Variants in PTMS observed in about 807,000 individuals in gnomAD.
PTMS encodes the protein parathymosin.
A neutral mutation model predicts 18.4 loss-of-function variants in PTMS; 5 were observed. The ratio of observed to expected loss-of-function variants is 0.27; its 90% CI spans 0.14 to 0.57. The LOEUF (loss-of-function observed/expected upper bound fraction) is 0.57, where lower values mean the gene tolerates loss of function less well. Among genes scored for constraint, PTMS ranks in the 20% least tolerant of loss-of-function variants. PTMS has a pLI of 0.92. For synonymous variants in PTMS, 53 were observed against 47.7 expected (o/e 1.11, Z -0.46); for missense variants, 93 against 124.6 (o/e 0.75, Z 1.21).
In PTMS at chr12:6,770,188, G is replaced by A; in HGVS notation, c.228G>A (p.Gly76=). The A allele has an allele frequency of 1.9e-6, 3 of 1,614,156 alleles. No individual in the cohort carries two copies. The highest frequency in any genetic ancestry group is 2.2e-5 in the East Asian group (1 of 44,874). The part of the protein sequence containing the change: ...DEEEEEEDDE[G]PALKRAAEEE... ...AAGAAGAAGAAGAGGATGATGAAGG[G>A]CCCGCGCTGAAGAGAGCTGCCGAAG... The change falls in exon 4 of 5, where the codon GGG becomes GGA. Residue 76 remains glycine (G), a synonymous_variant. Coordinates refer to ENST00000309083, the MANE Select transcript of PTMS (RefSeq NM_002824.6). The surrounding 1 kb of genome is among the most constrained non-coding windows in gnomAD (Gnocchi z 7.3).
At position 6,769,692 on chromosome 12, in the gene PTMS, AGAG is replaced by A; in HGVS notation, c.117+21_117+23del. 1 of 1,612,702 alleles carries A rather than the reference AGAG, an allele frequency of 6.2e-7. No individual in the cohort carries two copies. Among genetic ancestry groups the A allele is most frequent in the Non-Finnish European group, 8.5e-7 (1 of 1,179,386 alleles). On this transcript the variant is annotated intron_variant, in intron 2 of 4. Coordinates refer to ENST00000309083, the MANE Select transcript of PTMS (RefSeq NM_002824.6). ...TGGTGGAGGTGTGGAGGGGTGGGGG[AGAG>A]GACCACATCTGCCCTACCATCTTCC...
intron 1 of PTMS, among the ~76,000 whole-genome samples, chr12:6,767,667 CG>C (rs1403134244): frequency 8.2e-6 from 1 of 122,152 alleles, no homozygotes; most frequent in Non-Finnish European, 1.6e-5. Context: ...CGGAGTGAAA[CG>C]GGGGGAGCCA....
chr12:6,767,358 T>TA (rs1048925190), intron 1 of PTMS: 1 of 151,970 alleles, frequency 6.6e-6, no homozygotes, highest in Non-Finnish European at 1.5e-5. Context: ...CTCGAATTCC[T>TA]AAAAATTAGA....
Position 6,770,718 on chromosome 12 carries a change from C to A in PTMS, c.*276C>A. On this transcript the variant is annotated 3_prime_UTR_variant, in exon 5 of 5. Coordinates refer to ENST00000309083, the MANE Select transcript of PTMS (RefSeq NM_002824.6). The surrounding 1 kb of genome is among the most constrained non-coding windows in gnomAD (Gnocchi z 7.3). ...TCTCTCTTTGCTCTCTTTCTCCCTC[C>A]CCTACCAGCCTCATTCTTCCTCCGG... 2 of 545,268 alleles carry A rather than the reference C, an allele frequency of 3.7e-6. No homozygotes were observed. Among genetic ancestry groups the A allele is most frequent in the Non-Finnish European group, 6.6e-6 (2 of 301,730 alleles). The allele number at this position is 545,268 out of a possible 1,614,324, so 33.8% of individuals were successfully genotyped here.
At position 6,768,198 on chromosome 12, in the gene PTMS, C is replaced by T. The variant is rs116963177; in HGVS notation, c.46-1405C>T. ...ACTTTGGTCTCTGGTATTCTCCCTCCCTGCATCAGCCCAGATGGGAAAGTC... is the reference window on the plus strand; with the variant it reads ...ACTTTGGTCTCTGGTATTCTCCCTCTCTGCATCAGCCCAGATGGGAAAGTC... On this transcript the variant is annotated intron_variant, in intron 1 of 4. Coordinates refer to ENST00000309083, the MANE Select transcript of PTMS (RefSeq NM_002824.6). Among the ~76,000 whole-genome samples, 442 of 152,340 alleles carry T rather than the reference C, an allele frequency of 2.9e-3. 1 individual carries two copies. Among genetic ancestry groups the T allele is most frequent in the Non-Finnish European group, 5.6e-3 (383 of 68,026 alleles).
chr12:6,769,132 G>A (rs1328007450), intron 1 of PTMS: 2 of 209,786 alleles, frequency 9.5e-6, no homozygotes, highest in African/African-American at 2.4e-5. Flanking sequence ...AGGGGAAGCT[G>A]GGAGGGATGC....
Position 6,770,649 on chromosome 12 carries a change from A to AC in PTMS, c.*209dup. 1.6e-6 allele frequency: 1 copy of AC among 628,202 alleles called. No homozygotes were observed. Among genetic ancestry groups the AC allele is most frequent in the Non-Finnish European group, 2.8e-6 (1 of 357,436 alleles). 38.9% of individuals were successfully genotyped at this position (628,202 alleles called of 1,614,324 possible). On this transcript the variant is annotated 3_prime_UTR_variant, in exon 5 of 5. Coordinates refer to ENST00000309083, the MANE Select transcript of PTMS (RefSeq NM_002824.6). This position sits in a 1 kb window ranked among gnomAD's most constrained non-coding sequence, Gnocchi z 7.3. ...CACTCTGCCATTGTTCCACCTCCTG[A>AC]CCTGCTCCATCTGAGCTCTCCAGCT...
Position 6,770,826 on chromosome 12 carries a change from A to C in PTMS, c.*384A>C. On this transcript the variant is annotated 3_prime_UTR_variant, in exon 5 of 5. Transcript: ENST00000309083. This position sits in a 1 kb window ranked among gnomAD's most constrained non-coding sequence, Gnocchi z 7.3. Reference sequence around the variant, plus strand: ...CCTGCCTGATCCCTGGATCTCCCTCAGATCCCCTCTTCTCAGACAGCGCCA... The same window carrying C: ...CCTGCCTGATCCCTGGATCTCCCTCCGATCCCCTCTTCTCAGACAGCGCCA... 4.3e-6 allele frequency: 1 copy of C among 232,928 alleles called. No individual in the cohort carries two copies. The highest frequency in any genetic ancestry group is 8.6e-6 in the Non-Finnish European group (1 of 116,940). 14.4% of individuals were successfully genotyped at this position (232,928 alleles called of 1,614,324 possible). A position where few individuals can be genotyped will look rare whatever the true frequency, so the allele number is the denominator to read the frequency against.
In PTMS at chr12:6,770,123, G is replaced by A. The variant is rs748848239; in HGVS notation, c.197-34G>A. ...CACGGGGGCTCTGCCAGAGCTTCCT[G>A]CCCTTCCCCAATGACCCATTTCTGG... On this transcript the variant is annotated intron_variant, in intron 3 of 4. Coordinates refer to ENST00000309083, the MANE Select transcript of PTMS (RefSeq NM_002824.6). This position sits in a 1 kb window ranked among gnomAD's most constrained non-coding sequence, Gnocchi z 7.3. 59 of 1,613,460 alleles carry A rather than the reference G, an allele frequency of 3.7e-5. No individual in the cohort carries two copies. The highest frequency in any genetic ancestry group is 5.0e-5 in the Non-Finnish European group (59 of 1,179,844).
intron 1 of PTMS, among the ~76,000 whole-genome samples, chr12:6,768,603 A>G (rs955393778): frequency 3.3e-5 from 5 of 152,218 alleles, no homozygotes; most frequent in African/African-American, 1.2e-4. Flanking sequence ...ATCAGATCAC[A>G]CAAGGACACC....
intron 1 of PTMS, 101 bp downstream of exon 1, chr12:6,766,851 G>C (rs961981550): frequency 1.1e-5 from 9 of 824,104 alleles, no homozygotes; most frequent in Middle Eastern, 5.7e-4. Flanking sequence ...CGGCCCTTGC[G>C]CCCGGGTCCT....
chr12:6,766,683 G>C lies in PTMS; in HGVS notation c.-23G>C, dbSNP rs1243192249. ...GCCCCGGGACCCCGGCTCCCCGCCA[G>C]CCCCGGCCCCGGCCCCGGCACCATG... is the stretch of plus-strand genomic sequence containing the variant. On this transcript the variant is annotated 5_prime_UTR_variant, in exon 1 of 5. Transcript: ENST00000309083. 6 of 1,118,326 alleles carry C rather than the reference G, an allele frequency of 5.4e-6. No individual in the cohort carries two copies. The highest frequency in any genetic ancestry group is 3.4e-5 in the African/African-American group (2 of 59,122). 69.3% of individuals were successfully genotyped at this position (1,118,326 alleles called of 1,614,324 possible). A position where few individuals can be genotyped will look rare whatever the true frequency, so the allele number is the denominator to read the frequency against.
Position 6,766,695 on chromosome 12 carries a change from G to T in PTMS, c.-11G>T. 1.8e-6 allele frequency: 2 copies of T among 1,127,162 alleles called. No homozygotes were observed. Among genetic ancestry groups the T allele is most frequent in the South Asian group, 2.7e-5 (1 of 36,742 alleles). 69.8% of individuals were successfully genotyped at this position (1,127,162 alleles called of 1,614,324 possible). A position where few individuals can be genotyped will look rare whatever the true frequency, so the allele number is the denominator to read the frequency against. ...CGGCTCCCCGCCAGCCCCGGCCCCG[G>T]CCCCGGCACCATGTCGGAGAAAAGC... On this transcript the variant is annotated 5_prime_UTR_variant, in exon 1 of 5. Transcript: ENST00000309083.
chr12:6,769,981 G>T lies in PTMS; in HGVS notation c.178G>T (p.Asp60Tyr), dbSNP rs746401328. 6.4e-6 allele frequency: 10 copies of T among 1,554,408 alleles called. No homozygotes were observed. In the African/African-American group the frequency reaches 1.4e-4, roughly 21 times the overall value. The part of the protein sequence containing the change: ...EETAEDGEEE[D>Y]EGEEEDEEEE... ...AACTGCCGAGGATGGAGAGGAGGAA[G>T]ATGAAGGGGAAGAAGAAGGTGGGGA... Residue 60 changes from aspartate (D) to tyrosine (Y), a missense_variant, in exon 3 of 5, where the codon GAT becomes TAT. Asp to Tyr is a radical substitution (Grantham distance 160). Transcript: ENST00000309083.
chr12:6,770,054 G>T lies in PTMS; in HGVS notation c.196+55G>T. The T allele has an allele frequency of 6.3e-7, 1 of 1,584,558 alleles. No homozygotes were observed. The highest frequency in any genetic ancestry group is 1.1e-5 in the South Asian group (1 of 87,596). On this transcript the variant is annotated intron_variant, in intron 3 of 4. Transcript: ENST00000309083. The surrounding 1 kb of genome is among the most constrained non-coding windows in gnomAD (Gnocchi z 7.3). ...CAAAGTCTGGGCTCAAAGGAGAGCA[G>T]AGTCAGGGTGGGTTTGAAGACCTGA...
Position 6,770,219 on chromosome 12 carries a change from G to A in PTMS, c.258+1G>A, listed in dbSNP as rs1285226269. ...GCTGAAGAGAGCTGCCGAAGAGGAG[G>A]TTTGGGCTGGGTTGCTGGGCCTGAG... On this transcript the variant is annotated splice_donor_variant, in intron 4 of 4. Coordinates refer to ENST00000309083, the MANE Select transcript of PTMS (RefSeq NM_002824.6). LOFTEE classifies it high-confidence loss of function. The surrounding 1 kb of genome is among the most constrained non-coding windows in gnomAD (Gnocchi z 7.3). 6.2e-7 allele frequency: 1 copy of A among 1,614,178 alleles called. No homozygotes were observed. The highest frequency in any genetic ancestry group is 8.5e-7 in the Non-Finnish European group (1 of 1,180,024).
Position 6,770,038 on chromosome 12 carries a change from G to A in PTMS, c.196+39G>A, listed in dbSNP as rs1424751829. 1 of 1,572,130 alleles carries A rather than the reference G, an allele frequency of 6.4e-7. No homozygotes were observed. Among genetic ancestry groups the A allele is most frequent in the South Asian group, 1.2e-5 (1 of 86,340 alleles). On this transcript the variant is annotated intron_variant, in intron 3 of 4. Coordinates refer to ENST00000309083, the MANE Select transcript of PTMS (RefSeq NM_002824.6). This position sits in a 1 kb window ranked among gnomAD's most constrained non-coding sequence, Gnocchi z 7.3. ...GGGGAGGCTGGGCTGGCAAAGTCTG[G>A]GCTCAAAGGAGAGCAGAGTCAGGGT...
intron 1 of PTMS, among the ~76,000 whole-genome samples, chr12:6,767,978 G>A (rs922690325): frequency 7.9e-5 from 12 of 152,200 alleles, no homozygotes; most frequent in African/African-American, 2.9e-4. Flanking sequence ...CCATCGCGTG[G>A]GTGCTCCTCT....
intron 1 of PTMS, among the ~76,000 whole-genome samples, chr12:6,767,780 A>T (rs1181886431): frequency 6.6e-6 from 1 of 152,220 alleles, no homozygotes; most frequent in East Asian, 1.9e-4. Flanking sequence ...TTCACTGAGT[A>T]GGTGTCTTTG....
Sources: gnomAD v4.1 joint callset for allele counts (sites outside exome capture counted in the v4.1 genomes callset) on GRCh38, gnomAD v4.1.1 for gene constraint, Gnocchi (gnomAD v3.1) non-coding constraint, MANE v1.5 for transcripts, NCBI Gene and HGNC (gene_info 2026-07-23, HGNC 2026-07-21) for gene names.